Variants in RRM2 observed in about 807,000 individuals in gnomAD.
RRM2 encodes the protein ribonucleotide reductase regulatory subunit M2.
A neutral mutation model predicts 45.9 loss-of-function variants in RRM2; 6 were observed. The observed-to-expected ratio is 0.13, with a 90% CI of 0.07 to 0.26. RRM2 has a LOEUF of 0.26. Among genes scored for constraint, RRM2 ranks in the 10% least tolerant of loss-of-function variants. RRM2 has a pLI of 1.00. For missense variants in RRM2, 343 were observed against 489.5 expected, an observed-to-expected ratio of 0.70 and a Z score of 2.82; for synonymous variants, 177 against 173.0, an observed-to-expected ratio of 1.02 and a Z score of -0.18.
intron 3 of RRM2, among the ~76,000 whole-genome samples, chr2:10,158,740 C>T (rs374769631): frequency 6.6e-6 from 1 of 152,050 alleles, no homozygotes; most frequent in African/African-American, 2.4e-5. Context: ...AGCAGCCAAG[C>T]GGGAGACTGG....
rs532052008 is a variant in RRM2, at chr2:10,199,586, C to T, written n.483-10725C>T. Among the ~76,000 whole-genome samples the T allele has an allele frequency of 2.6e-5, 4 of 151,872 alleles. No homozygotes were observed. In the East Asian group the frequency reaches 7.8e-4, roughly 30 times the overall value. Reference sequence around the variant, plus strand: ...CACAAGGTCAGGAGATCAAGACCATCCTGGCTAACACAGTGAAACCCCGTC... The same window carrying T: ...CACAAGGTCAGGAGATCAAGACCATTCTGGCTAACACAGTGAAACCCCGTC... On this transcript the variant is annotated intron_variant and non_coding_transcript_variant, in intron 3 of 3. Coordinates refer to the RRM2 transcript ENST00000381786.
chr2:10,190,010 G>A (rs557814726), intron 3 of RRM2, among the ~76,000 whole-genome samples: 1 of 151,818 alleles, frequency 6.6e-6, no homozygotes, highest in Non-Finnish European at 1.5e-5. Context: ...TGGTGGAGAT[G>A]ATGGTGATGA....
chr2:10,144,129 G>A (rs1246457295), intron 3 of RRM2, among the ~76,000 whole-genome samples: 2 of 152,224 alleles, frequency 1.3e-5, no homozygotes, highest in East Asian at 3.8e-4. Context: ...GAAGGATGGA[G>A]CTTCAGGCCT....
chr2:10,143,925 C>G (rs1309951094), intron 3 of RRM2, among the ~76,000 whole-genome samples: 1 of 152,234 alleles, frequency 6.6e-6, no homozygotes, highest in Non-Finnish European at 1.5e-5. Context: ...CTTGGCCTCC[C>G]AAAGTGCTGG....
At chr2:10,210,227 G>GCC (rs1664733491) in intron 3 of RRM2, 1 of 913,256 alleles carries the variant, frequency 1.1e-6, no homozygotes, top group African/African-American at 1.7e-5. Flanking sequence ...GCTCCCTAGT[G>GCC]CCCAGTATGT....
At position 10,177,715 on chromosome 2, in the gene RRM2, C is replaced by T. The variant is rs139460581; in HGVS notation, n.483-32596C>T. On this transcript the variant is annotated intron_variant and non_coding_transcript_variant, in intron 3 of 3. Transcript: ENST00000381786. ...CCTTCCTTCCTTCCTTCCTCTCTCC[C>T]TCCCTCCCTCCCTCTCTCTCTCTTT... Among the ~76,000 whole-genome samples the T allele has an allele frequency of 4.2e-3, 627 of 150,898 alleles. 2 individuals are homozygous for T. The highest frequency in any genetic ancestry group is 0.015 in the African/African-American group (592 of 40,760).
chr2:10,122,714 A>G, upstream of RRM2: 18 of 1,551,090 alleles, frequency 1.2e-5, no homozygotes, highest in Non-Finnish European at 1.6e-5. Context: ...GGAGATTTAA[A>G]GGCTGCTGGA....
chr2:10,188,248 C>T lies in RRM2; in HGVS notation n.483-22063C>T, dbSNP rs143521097. Among the ~76,000 whole-genome samples the T allele has an allele frequency of 7.3e-3, 1,116 of 152,292 alleles. 5 individuals carry two copies. Among genetic ancestry groups the T allele is most frequent in the Non-Finnish European group, 0.012 (824 of 68,024 alleles). ...GGTGCTCCCTCGGTGTCTGTCAGCT[C>T]GGGCTGCTCTAGCAGAAGGCCACAG... On this transcript the variant is annotated intron_variant and non_coding_transcript_variant, in intron 3 of 3. Coordinates refer to the RRM2 transcript ENST00000381786.
upstream of RRM2, among the ~76,000 whole-genome samples, chr2:10,137,277 A>G (rs1663005663): frequency 6.6e-6 from 1 of 152,150 alleles, no homozygotes; most frequent in Admixed American, 6.5e-5. Context: ...TCGTCCCCTC[A>G]CTGCATGTGC....
intron 3 of RRM2, among the ~76,000 whole-genome samples, chr2:10,193,077 C>T (rs887164449): frequency 1.3e-4 from 20 of 152,162 alleles, no homozygotes; most frequent in African/African-American, 4.6e-4. Flanking sequence ...AGAGGCCCTT[C>T]CGCTGCAGAA....
At chr2:10,186,478 C>T (rs977936045) in intron 3 of RRM2, among the ~76,000 whole-genome samples, 2 of 152,082 alleles carry the variant, frequency 1.3e-5, no homozygotes, top group African/African-American at 4.8e-5. Context: ...AAACTGGTTT[C>T]GGAAGCAGAT....
rs143293211 is a variant in RRM2 at position 10,142,887 on chromosome 2, G to C, written n.482+512G>C. ...CTTCTTTTTTGTTTTGTTTTGTTTGGTTTTGAGACAGAGTCTTGCTCTGTC... is the reference window on the plus strand; with the variant it reads ...CTTCTTTTTTGTTTTGTTTTGTTTGCTTTTGAGACAGAGTCTTGCTCTGTC... On this transcript the variant is annotated intron_variant and non_coding_transcript_variant, in intron 3 of 3. Coordinates refer to the RRM2 transcript ENST00000381786. 9.5e-3 allele frequency among the ~76,000 whole-genome samples: 1,443 copies of C among 152,198 alleles called. 23 individuals are homozygous for C. Among genetic ancestry groups the C allele is most frequent in the African/African-American group, 0.033 (1,368 of 41,534 alleles).
At position 10,130,679 on chromosome 2, in the gene RRM2, G is replaced by T. The variant is rs1662881402; in HGVS notation, c.*1293G>T. The T allele has an allele frequency of 6.6e-6, 1 of 151,150 alleles. No homozygotes were observed. The highest frequency in any genetic ancestry group is 2.4e-5 in the African/African-American group (1 of 41,042). 9.4% of individuals were successfully genotyped at this position (151,150 alleles called of 1,614,324 possible). On this transcript the variant is annotated 3_prime_UTR_variant, in exon 10 of 10. Transcript: ENST00000304567. ...GAGTCTCGCTCTGTTGCCCAGGCTG[G>T]AGTGCAGTGGCGCGATTTTGGCTCA...
intron 3 of RRM2, among the ~76,000 whole-genome samples, chr2:10,173,651 AGGTGATGG>A (rs1351283109): frequency 6.6e-6 from 1 of 152,206 alleles, no homozygotes; most frequent in Non-Finnish European, 1.5e-5. Flanking sequence ...GCGAGGAGAG[AGGTGATGG>A]GGCTCCGCGG....
intron 3 of RRM2, among the ~76,000 whole-genome samples, chr2:10,152,686 T>C (rs1437435725): frequency 1.3e-5 from 2 of 151,854 alleles, no homozygotes; most frequent in East Asian, 3.9e-4. Context: ...TTTCACCATG[T>C]TGGCCAGGCT....
chr2:10,156,799 C>A (rs1227914598), intron 3 of RRM2, among the ~76,000 whole-genome samples: 1 of 152,122 alleles, frequency 6.6e-6, no homozygotes, highest in Non-Finnish European at 1.5e-5. Context: ...CCACCACACC[C>A]GGCTACTTTT....
At position 10,200,712 on chromosome 2, in the gene RRM2, G is replaced by A. The variant is rs914964286; in HGVS notation, n.483-9599G>A. Among the ~76,000 whole-genome samples, 44 of 139,526 alleles carry A rather than the reference G, an allele frequency of 3.2e-4. 10 individuals are homozygous for A. The highest frequency in any genetic ancestry group is 7.6e-3 in the Middle Eastern group (2 of 264). 91.5% of individuals were successfully genotyped at this position (139,526 alleles called of 152,430 possible). A position where few individuals can be genotyped will look rare whatever the true frequency, so the allele number is the denominator to read the frequency against. On this transcript the variant is annotated intron_variant and non_coding_transcript_variant, in intron 3 of 3. Coordinates refer to the RRM2 transcript ENST00000381786. ...AAATTATGAGTCCCACGGGGACCGC[G>A]CACACAAAATATGAGGCCCGCCATC... is the stretch of plus-strand genomic sequence containing the variant.
intron 3 of RRM2, among the ~76,000 whole-genome samples, chr2:10,176,670 A>G (rs1224946858): frequency 4.6e-5 from 7 of 152,236 alleles, no homozygotes; most frequent in Non-Finnish European, 1.0e-4. Context: ...AGATTCATCA[A>G]TGTGTACAGC....
downstream of RRM2, among the ~76,000 whole-genome samples, chr2:10,136,324 G>C (rs951766129): frequency 2.6e-5 from 4 of 152,260 alleles, no homozygotes; most frequent in African/African-American, 9.6e-5. Context: ...GGGCCTCCTA[G>C]TCTGGGGCAG....
Sources: allele counts gnomAD v4.1 joint callset (sites outside exome capture counted in the v4.1 genomes callset), GRCh38; gene constraint gnomAD v4.1.1; transcripts MANE v1.5; gene names NCBI Gene and HGNC (gene_info 2026-07-23, HGNC 2026-07-21).